Variants in IPO7 observed in about 807,000 individuals in gnomAD.
IPO7 encodes importin-7.
Under a neutral mutation model 136.4 loss-of-function variants are expected in IPO7, and 13 were observed. That is an observed-to-expected ratio of 0.10 (90% CI 0.06 to 0.15). The LOEUF (loss-of-function observed/expected upper bound fraction) is 0.15, where lower values mean the gene tolerates loss of function less well. IPO7 is among the 10% of genes least tolerant of loss of function. IPO7 has a pLI of 1.00. For synonymous variants in IPO7, 403 were observed against 404.4 expected, an observed-to-expected ratio of 1.00 and a Z score of 0.04; for missense variants, 857 against 1,240.6, an observed-to-expected ratio of 0.69 and a Z score of 4.65.
At chr11:9,429,320 G>A in intron 14 of IPO7, 124 bp downstream of exon 14, 1 of 805,178 alleles carries the variant, frequency 1.2e-6, no homozygotes. Flanking sequence ...TTCAAGACCA[G>A]CCTGGGCAAC....
intron 2 of IPO7, among the ~76,000 whole-genome samples, chr11:9,407,035 A>G (rs1034664075): frequency 6.6e-6 from 1 of 152,208 alleles, no homozygotes; most frequent in Non-Finnish European, 1.5e-5. Flanking sequence ...CTTACAGTGC[A>G]ATTCCAAATT....
intron 16 of IPO7, among the ~76,000 whole-genome samples, chr11:9,431,555 C>T (rs541510809): frequency 9.9e-5 from 15 of 151,436 alleles, no homozygotes; most frequent in Non-Finnish European, 2.1e-4. Context: ...TTTTTCTTAA[C>T]ATAATGGAAA....
intron 1 of IPO7, among the ~76,000 whole-genome samples, chr11:9,393,616 C>A (rs564992286): frequency 6.6e-6 from 1 of 152,276 alleles, no homozygotes; most frequent in East Asian, 1.9e-4. Flanking sequence ...GTCCTGACCT[C>A]AGGTGATCCA....
chr11:9,420,467 G>C lies in IPO7; in HGVS notation c.783G>C (p.Lys261Asn). 1 of 1,612,412 alleles carries C rather than the reference G, an allele frequency of 6.2e-7. No homozygotes were observed. Among genetic ancestry groups the C allele is most frequent in the Non-Finnish European group, 8.5e-7 (1 of 1,179,370 alleles). ...DRPELPWWKCKKWALHILARL... is the reference protein window; with the variant it reads ...DRPELPWWKCNKWALHILARL... ...CTGAGTTACCATGGTGGAAATGCAAGAAGTGGGCCTTACATATTTTAGCAA... is the reference window on the plus strand; with the variant it reads ...CTGAGTTACCATGGTGGAAATGCAACAAGTGGGCCTTACATATTTTAGCAA... The change falls in exon 7 of 25, where the codon AAG becomes AAC. Residue 261 changes from lysine (K) to asparagine (N), a missense_variant. This residue lies in a region of IPO7 where 287 missense variants were observed against 307.5 expected (regional missense o/e 0.93). Coordinates refer to ENST00000379719, the MANE Select transcript of IPO7 (RefSeq NM_006391.3).
chr11:9,391,407 AAAAT>A (rs1236329399), intron 1 of IPO7, among the ~76,000 whole-genome samples: 1 of 148,578 alleles, frequency 6.7e-6, no homozygotes, highest in East Asian at 2.1e-4. Context: ...CAAAAAAAGA[AAAAT>A]AAAATAAAAG....
intron 8 of IPO7, among the ~76,000 whole-genome samples, chr11:9,422,032 C>T (rs1177402528): frequency 6.6e-6 from 1 of 152,168 alleles, no homozygotes; most frequent in Non-Finnish European, 1.5e-5. Context: ...ATAATCCCAG[C>T]ACTTTGGAAG....
intron 2 of IPO7, among the ~76,000 whole-genome samples, chr11:9,403,957 G>A (rs1270548682): frequency 6.6e-6 from 1 of 152,054 alleles, no homozygotes; most frequent in East Asian, 1.9e-4. Flanking sequence ...TGCCTCCCAG[G>A]TTCAAGCGAT....
At chr11:9,405,046 A>G (rs1263792353) in intron 2 of IPO7, among the ~76,000 whole-genome samples, 2 of 152,212 alleles carry the variant, frequency 1.3e-5, no homozygotes, top group African/African-American at 4.8e-5. Flanking sequence ...ATGAATTTAA[A>G]TTATCACTTT....
At chr11:9,444,928 C>G (rs1362670992) in intron 24 of IPO7, among the ~76,000 whole-genome samples, 169 bp from the exon 25 acceptor site, 1 of 151,076 alleles carries the variant, frequency 6.6e-6, no homozygotes, top group Non-Finnish European at 1.5e-5. Flanking sequence ...AGATTATATT[C>G]TCTACATAAT....
chr11:9,414,126 G>T, intron 4 of IPO7, 129 bp from the exon 5 acceptor site: 5 of 616,856 alleles, frequency 8.1e-6, no homozygotes, highest in Non-Finnish European at 1.3e-5. Flanking sequence ...TTTTGTTCTA[G>T]ATATTTTTCT....
At position 9,434,992 on chromosome 11, in the gene IPO7, C is replaced by T. The variant is rs772598010; in HGVS notation, c.2133C>T (p.Asp711=). 3.7e-6 allele frequency: 6 copies of T among 1,607,922 alleles called. No individual in the cohort carries two copies. In the African/African-American group the frequency reaches 4.0e-5, roughly 11 times the overall value. ...TTGATACAGACACACTTCTGTCTGA[C>T]ACCAAGTATCTTGAAATGATATACA... ...VTVDTDTLLS[D]TKYLEMIYSM... is the part of the protein sequence containing the mutation. The change falls in exon 19 of 25, where the codon GAC becomes GAT. Residue 711 remains aspartate (D), a synonymous_variant. Coordinates refer to ENST00000379719, the MANE Select transcript of IPO7 (RefSeq NM_006391.3).
chr11:9,399,036 G>A (rs1854755261), intron 1 of IPO7, among the ~76,000 whole-genome samples: 1 of 152,256 alleles, frequency 6.6e-6, no homozygotes, highest in East Asian at 1.9e-4. Context: ...GCTTAAAGGG[G>A]ATTGATTTAT....
At chr11:9,429,243 G>T in intron 14 of IPO7, 47 bp downstream of exon 14, 1 of 1,498,482 alleles carries the variant, frequency 6.7e-7, no homozygotes, top group South Asian at 1.2e-5. Context: ...GGCCAGGTGC[G>T]GTAGGTCACA....
In IPO7 at chr11:9,384,674, C is replaced by A; in HGVS notation, c.-90C>A. 9.1e-7 allele frequency: 1 copy of A among 1,097,304 alleles called. No individual in the cohort carries two copies. The highest frequency in any genetic ancestry group is 1.3e-6 in the Non-Finnish European group (1 of 765,332). The allele number at this position is 1,097,304 out of a possible 1,614,324, so 68.0% of individuals were successfully genotyped here. A position where few individuals can be genotyped will look rare whatever the true frequency, so the allele number is the denominator to read the frequency against. ...TTTCCTTTCGCGCCGGTTGCCGCTGCGGAGCGCGGCGGGTCCATGTGCGCA... is the reference window on the plus strand; with the variant it reads ...TTTCCTTTCGCGCCGGTTGCCGCTGAGGAGCGCGGCGGGTCCATGTGCGCA... On this transcript the variant is annotated 5_prime_UTR_variant, in exon 1 of 25. Transcript: ENST00000379719.
intron 1 of IPO7, among the ~76,000 whole-genome samples, chr11:9,389,565 A>G (rs970974703): frequency 4.5e-4 from 69 of 152,146 alleles, no homozygotes; most frequent in African/African-American, 1.6e-3. Context: ...ATAAAGCTAC[A>G]TGTAAGTTTT....
intron 6 of IPO7, among the ~76,000 whole-genome samples, 189 bp downstream of exon 6, chr11:9,417,337 A>G (rs1855055059): frequency 6.6e-6 from 1 of 152,168 alleles, no homozygotes; most frequent in Admixed American, 6.5e-5. Context: ...CTTAGTGTAA[A>G]AAGTTGTAAA....
At chr11:9,400,560 C>T (rs1312146770) in intron 1 of IPO7, among the ~76,000 whole-genome samples, 1 of 151,938 alleles carries the variant, frequency 6.6e-6, no homozygotes, top group Admixed American at 6.6e-5. Flanking sequence ...TAGCTGGGGA[C>T]TACAGGCGCC....
At chr11:9,415,604 C>T (rs868134321) in intron 5 of IPO7, among the ~76,000 whole-genome samples, 1 of 152,086 alleles carries the variant, frequency 6.6e-6, no homozygotes, top group Middle Eastern at 3.4e-3. Flanking sequence ...TTTGGGAGGC[C>T]GAGGCGGGCG....
chr11:9,412,631 CA>C (rs757525193), intron 4 of IPO7, among the ~76,000 whole-genome samples: 8 of 152,060 alleles, frequency 5.3e-5, no homozygotes, highest in Non-Finnish European at 1.2e-4. Flanking sequence ...GCTTGGGCAA[CA>C]TAGTGGAACC....
Sources: allele counts gnomAD v4.1 joint callset (sites outside exome capture counted in the v4.1 genomes callset), GRCh38; gene constraint gnomAD v4.1.1; regional missense constraint gnomAD v4.1.1; transcripts MANE v1.5; gene names NCBI Gene and HGNC (gene_info 2026-07-23, HGNC 2026-07-21).